Variants in EIF3B observed in about 807,000 individuals in gnomAD.
EIF3B encodes the protein eukaryotic translation initiation factor 3 subunit 9.
In EIF3B, 10 loss-of-function variants were observed where a neutral mutation model predicts 104.6. The ratio of observed to expected loss-of-function variants is 0.10; its 90% CI spans 0.06 to 0.16. EIF3B has a LOEUF of 0.16. Ranked by LOEUF, EIF3B falls within the 10% of genes least tolerant of loss-of-function variation. EIF3B has a pLI of 1.00. For missense variants in EIF3B, 1,014 were observed against 1,087.9 expected, an observed-to-expected ratio of 0.93 and a Z score of 0.96; for synonymous variants, 542 against 417.2, an observed-to-expected ratio of 1.30 and a Z score of -3.65.
At position 2,366,888 on chromosome 7, in the gene EIF3B, C is replaced by G. The variant is rs925834498; in HGVS notation, c.1357-111C>G. ...CACTGTCACGCTCTGTGTGCACTGCCCCCTAGGCAAACTCACATCAGACTC... is the reference window on the plus strand; with the variant it reads ...CACTGTCACGCTCTGTGTGCACTGCGCCCTAGGCAAACTCACATCAGACTC... On this transcript the variant is annotated intron_variant, in intron 8 of 18. Transcript: ENST00000360876. 1.6e-4 allele frequency: 184 copies of G among 1,163,212 alleles called. No individual in the cohort carries two copies. In the African/African-American group the frequency reaches 2.4e-3, roughly 15 times the overall value. 72.1% of individuals were successfully genotyped at this position (1,163,212 alleles called of 1,614,324 possible). A position where few individuals can be genotyped will look rare whatever the true frequency, so the allele number is the denominator to read the frequency against.
chr7:2,377,198 G>A, intron 15 of EIF3B, 123 bp downstream of exon 15: 1 of 1,322,060 alleles, frequency 7.6e-7, no homozygotes, highest in South Asian at 1.5e-5. Flanking sequence ...CATTTGCAAG[G>A]ATTCTTTGAA....
At chr7:2,376,326 C>G (rs1042330943) in intron 14 of EIF3B, 5 of 124,958 alleles carry the variant, frequency 4.0e-5, no homozygotes, top group African/African-American at 1.4e-4. Flanking sequence ...GAAACCCTAG[C>G]CCCATTAAAA....
intron 14 of EIF3B, chr7:2,376,617 GTCCAGTTTAAA>G: frequency 3.7e-6 from 1 of 272,258 alleles, no homozygotes; most frequent in South Asian, 5.4e-5. Context: ...ACAGGGTTCA[GTCCAGTTTAAA>G]TCCAGCACGG....
At chr7:2,379,646 GCTGAGCCTCGTGTGA>G in intron 18 of EIF3B, 135 bp downstream of exon 18, 2 of 651,214 alleles carry the variant, frequency 3.1e-6, no homozygotes, top group South Asian at 1.9e-5. Flanking sequence ...CCCAGGGTTA[GCTGAGCCTCGTGTGA>G]AATGTAGAGT....
chr7:2,362,741 C>G lies in EIF3B; in HGVS notation c.789C>G (p.Val263=). 6.2e-7 allele frequency: 1 copy of G among 1,614,208 alleles called. No homozygotes were observed. The highest frequency in any genetic ancestry group is 8.5e-7 in the Non-Finnish European group (1 of 1,180,044). ...YKLDKQHTFR[V]NLFTDFDKYM... is the part of the protein sequence containing the mutation. ...TTGACAAGCAGCACACATTCCGGGT[C>G]AACCTCTTTACGGATTTTGACAAGT... Residue 263 remains valine (V), a synonymous_variant, in exon 3 of 19, where the codon GTC becomes GTG. Coordinates refer to ENST00000360876, the MANE Select transcript of EIF3B (RefSeq NM_001037283.2).
At position 2,380,185 on chromosome 7, in the gene EIF3B, G is replaced by A. The variant is rs144154548; in HGVS notation, c.*15-19G>A. On this transcript the variant is annotated intron_variant, in intron 18 of 18. Coordinates refer to ENST00000360876, the MANE Select transcript of EIF3B (RefSeq NM_001037283.2). ...TTTTGAGGTGGTGCCGTTTAGGGCCGCCATGCCTGTCTATCCAGGGGACGG... is the reference window on the plus strand; with the variant it reads ...TTTTGAGGTGGTGCCGTTTAGGGCCACCATGCCTGTCTATCCAGGGGACGG... 1.5e-3 allele frequency: 540 copies of A among 354,746 alleles called. 9 individuals carry two copies. The East Asian group carries it at 0.034, about 22-fold the overall frequency. 22.0% of individuals were successfully genotyped at this position (354,746 alleles called of 1,614,324 possible). A position where few individuals can be genotyped will look rare whatever the true frequency, so the allele number is the denominator to read the frequency against.
chr7:2,370,898 C>A (rs1302619398), intron 10 of EIF3B, among the ~76,000 whole-genome samples: 2 of 152,100 alleles, frequency 1.3e-5, no homozygotes, highest in African/African-American at 4.8e-5. Context: ...CCCGTCTCTA[C>A]TAAAAATGCA....
chr7:2,359,088 G>C (rs1779605760), intron 1 of EIF3B, among the ~76,000 whole-genome samples: 1 of 152,148 alleles, frequency 6.6e-6, no homozygotes, highest in Non-Finnish European at 1.5e-5. Context: ...TCAGGAGCTT[G>C]TATATTCTCC....
intron 1 of EIF3B, among the ~76,000 whole-genome samples, chr7:2,357,294 A>C (rs1355065630): frequency 6.6e-6 from 1 of 152,186 alleles, no homozygotes. Flanking sequence ...CTGAAGGTGC[A>C]GTGTTGGCCA....
chr7:2,356,255 T>C (rs951462067), intron 1 of EIF3B, among the ~76,000 whole-genome samples: 1 of 152,190 alleles, frequency 6.6e-6, no homozygotes, highest in Non-Finnish European at 1.5e-5. Context: ...TAGCCAGCGA[T>C]ACACCAGGAC....
intron 9 of EIF3B, 42 bp downstream of exon 9, chr7:2,367,087 T>C (rs1272558752): frequency 3.5e-6 from 5 of 1,440,918 alleles, no homozygotes; most frequent in Non-Finnish European, 4.7e-6. Flanking sequence ...GTGTTCAGGC[T>C]GCTTAACACA....
intron 14 of EIF3B, 33 bp downstream of exon 14, chr7:2,375,560 G>T (rs1446584461): frequency 6.2e-7 from 1 of 1,613,460 alleles, no homozygotes; most frequent in East Asian, 2.2e-5. Flanking sequence ...TTTGACTGTG[G>T]ATAGAAGCAG....
chr7:2,356,602 CAAAA>C (rs558863981), intron 1 of EIF3B, among the ~76,000 whole-genome samples: 2 of 90,298 alleles, frequency 2.2e-5, no homozygotes, highest in Admixed American at 1.3e-4. Context: ...GACTCCGTCT[CAAAA>C]AAAAAAAAAA....
Position 2,366,270 on chromosome 7 carries a change from C to T in EIF3B, c.1158-47C>T. 3.3e-6 allele frequency: 5 copies of T among 1,530,442 alleles called. No homozygotes were observed. In the South Asian group the frequency reaches 6.5e-5, roughly 20 times the overall value. The allele number at this position is 1,530,442 out of a possible 1,614,324, so 94.8% of individuals were successfully genotyped here. A position where few individuals can be genotyped will look rare whatever the true frequency, so the allele number is the denominator to read the frequency against. ...TCTGGCCGCACAGACAGACTGTGAT[C>T]CTCTCGTGAGAGGAGGATAGTGTAC... On this transcript the variant is annotated intron_variant, in intron 6 of 18. Coordinates refer to ENST00000360876, the MANE Select transcript of EIF3B (RefSeq NM_001037283.2).
rs529201057 is a variant in EIF3B at position 2,358,067 on chromosome 7, C to T, written c.500-2643C>T. ...TTTAGCATCGTTGAAAATAAAACGG[C>T]GATTATTTTTTAAGGCAGTATTTTC... is the stretch of plus-strand genomic sequence containing the variant. On this transcript the variant is annotated intron_variant, in intron 1 of 18. Transcript: ENST00000360876. Among the ~76,000 whole-genome samples the T allele has an allele frequency of 2.0e-5, 3 of 151,948 alleles. No homozygotes were observed. In the South Asian group the frequency reaches 6.2e-4, roughly 32 times the overall value.
intron 14 of EIF3B, chr7:2,375,947 T>C (rs1780606706): frequency 5.7e-6 from 1 of 174,154 alleles, no homozygotes; most frequent in Non-Finnish European, 1.2e-5. Flanking sequence ...TCAAGGACTT[T>C]CAGTATTTAG....
chr7:2,356,940 C>G (rs942098341), intron 1 of EIF3B, among the ~76,000 whole-genome samples: 3 of 152,152 alleles, frequency 2.0e-5, no homozygotes, highest in Non-Finnish European at 2.9e-5. Flanking sequence ...GTCTACGCCC[C>G]TCAGTCCTGA....
intron 1 of EIF3B, among the ~76,000 whole-genome samples, chr7:2,356,358 A>T (rs1246579853): frequency 6.6e-6 from 1 of 152,066 alleles, no homozygotes. Flanking sequence ...CACGCCTGTA[A>T]TCCCAGCACT....
chr7:2,357,884 C>G (rs1460788877), intron 1 of EIF3B, among the ~76,000 whole-genome samples: 1 of 152,100 alleles, frequency 6.6e-6, no homozygotes, highest in African/African-American at 2.4e-5. Flanking sequence ...TTTATTGCAG[C>G]CTTATAAATT....
Sources: gnomAD v4.1 joint callset for allele counts (sites outside exome capture counted in the v4.1 genomes callset) on GRCh38, gnomAD v4.1.1 for gene constraint, MANE v1.5 for transcripts, NCBI Gene and HGNC (gene_info 2026-07-23, HGNC 2026-07-21) for gene names.